The following TCF20 variants were observed in gnomAD, a reference collection of about 807,000 sequenced individuals.
TCF20 encodes the protein transcription factor 20.
A neutral mutation model predicts 148.6 loss-of-function variants in TCF20; 3 were observed. The ratio of observed to expected loss-of-function variants is 0.02; its 90% CI spans 0.01 to 0.05. TCF20 has a LOEUF of 0.05. Ranked by LOEUF, TCF20 falls within the 10% of genes least tolerant of loss-of-function variation. The pLI, the probability that TCF20 is intolerant of heterozygous loss-of-function variation, is 1.00. For synonymous variants in TCF20, 1,049 were observed against 909.5 expected (o/e 1.15, Z -2.76); for missense variants, 2,350 against 2,429.3 (o/e 0.97, Z 0.69).
At chr22:42,176,241 T>C (rs73429692) in intron 3 of TCF20, among the ~76,000 whole-genome samples, 4,474 of 152,328 alleles carry the variant, frequency 0.029, 228 homozygotes, top group African/African-American at 0.1. Flanking sequence ...TCTCTTGTTC[T>C]TTTTAACTGT....
intron 1 of TCF20, among the ~76,000 whole-genome samples, chr22:42,304,866 G>A (rs766307412): frequency 2.0e-5 from 3 of 152,194 alleles, no homozygotes; most frequent in Admixed American, 2.0e-4. Context: ...AAGGTCGGGC[G>A]CTGGGGCCTG....
At chr22:42,232,416 C>G (rs556363957) in intron 1 of TCF20, among the ~76,000 whole-genome samples, 1 of 151,884 alleles carries the variant, frequency 6.6e-6, no homozygotes, top group Non-Finnish European at 1.5e-5. Flanking sequence ...AAAAAAACAA[C>G]GTACCACCAG....
rs755941272 is a variant in TCF20 at position 42,210,907 on chromosome 22, T to C, written c.4399A>G (p.Thr1467Ala). Residue 1467 changes from threonine (T) to alanine (A), a missense_variant, in exon 2 of 6, where the codon ACA becomes GCA. Thr to Ala is a moderately conservative substitution (Grantham distance 58, BLOSUM62 0). Coordinates refer to ENST00000677622, the MANE Select transcript of TCF20 (RefSeq NM_001378418.1). This position sits in a 1 kb window ranked among gnomAD's most constrained non-coding sequence, Gnocchi z 4.7. ...GKEPPGAMTS[T>A]TSQKPGSNQG... is the part of the protein sequence containing the mutation. ...TTACTACCAGGCTTCTGTGAGGTTG[T>C]GGATGTCATGGCACCAGGGGGTTCC... is the stretch of plus-strand genomic sequence containing the variant. 5.0e-6 allele frequency: 8 copies of C among 1,614,184 alleles called. No homozygotes were observed. Among genetic ancestry groups the C allele is most frequent in the Non-Finnish European group, 6.8e-6 (8 of 1,180,036 alleles).
chr22:42,191,133 A>G (rs1388782632), intron 2 of TCF20, among the ~76,000 whole-genome samples: 1 of 152,192 alleles, frequency 6.6e-6, no homozygotes, highest in Non-Finnish European at 1.5e-5. Context: ...ATTACTCAAG[A>G]AGGCCTGGTT....
At chr22:42,276,290 T>C (rs1242348227) in intron 1 of TCF20, 1 of 152,256 alleles carries the variant, frequency 6.6e-6, no homozygotes, top group Non-Finnish European at 1.5e-5. Flanking sequence ...TTCCCTGTGC[T>C]TGGGGATCCA....
At chr22:42,181,598 C>CT (rs34232368) in intron 2 of TCF20, among the ~76,000 whole-genome samples, 5,205 of 136,494 alleles carry the variant, frequency 0.038, 295 homozygotes, top group African/African-American at 0.12. Flanking sequence ...TCCCCCCAAC[C>CT]TTTTTTTTTT....
intron 1 of TCF20, among the ~76,000 whole-genome samples, chr22:42,315,286 C>T (rs1927608725): frequency 6.6e-6 from 1 of 152,044 alleles, no homozygotes; most frequent in Admixed American, 6.6e-5. Flanking sequence ...GCTCACACAC[C>T]ATGCTGGGGG....
intron 1 of TCF20, among the ~76,000 whole-genome samples, chr22:42,333,854 G>A (rs779040871): frequency 6.6e-6 from 1 of 152,196 alleles, no homozygotes; most frequent in East Asian, 1.9e-4. Context: ...GAGGAGCACC[G>A]GCCCACCACG....
intron 1 of TCF20, among the ~76,000 whole-genome samples, chr22:42,242,608 C>G (rs1924542035): frequency 6.6e-6 from 1 of 151,808 alleles, no homozygotes; most frequent in African/African-American, 2.4e-5. Context: ...TCTACCCGGC[C>G]AGGCGAGGTG....
Position 42,213,515 on chromosome 22 carries a change from T to C in TCF20, c.1791A>G (p.Pro597=). 1 of 1,614,212 alleles carries C rather than the reference T, an allele frequency of 6.2e-7. No individual in the cohort carries two copies. The highest frequency in any genetic ancestry group is 8.5e-7 in the Non-Finnish European group (1 of 1,180,022). Reference sequence around the variant, plus strand: ...CCCCAACAGTCTTCTCATTAACCTTTGGGTTCCCGTCGGATGACAATGGCA... The same window carrying C: ...CCCCAACAGTCTTCTCATTAACCTTCGGGTTCCCGTCGGATGACAATGGCA... The part of the protein sequence containing the change: ...KDMPLSSDGN[P]KVNEKTVGVI... Residue 597 remains proline, a synonymous_variant, in exon 2 of 6, where the codon CCA becomes CCG. Transcript: ENST00000677622.
chr22:42,323,686 G>A (rs892259634), intron 1 of TCF20, among the ~76,000 whole-genome samples: 1 of 151,912 alleles, frequency 6.6e-6, no homozygotes, highest in Admixed American at 6.6e-5. Context: ...ATGGATAGCT[G>A]AATGCACCCA....
intron 1 of TCF20, among the ~76,000 whole-genome samples, chr22:42,295,334 C>A (rs924020901): frequency 6.6e-6 from 1 of 152,206 alleles, no homozygotes; most frequent in Non-Finnish European, 1.5e-5. Flanking sequence ...CACTCCCCAC[C>A]GCTGGGCTGC....
At chr22:42,340,877 A>T (rs898239148) in intron 1 of TCF20, among the ~76,000 whole-genome samples, 4 of 147,446 alleles carry the variant, frequency 2.7e-5, no homozygotes, top group African/African-American at 1.0e-4. Flanking sequence ...AAAGGAGAGG[A>T]GGGAAGCCCC....
chr22:42,282,523 G>A (rs530484721), intron 1 of TCF20, among the ~76,000 whole-genome samples: 5 of 152,356 alleles, frequency 3.3e-5, no homozygotes, highest in South Asian at 2.1e-4. Context: ...CCGGGGGAGC[G>A]CCCAGCCCTG....
rs115992573 is a variant in TCF20, at chr22:42,299,656, C to A, written c.-37+43823G>T. Among the ~76,000 whole-genome samples the A allele has an allele frequency of 6.7e-3, 1,020 of 152,290 alleles. 15 individuals carry two copies. The highest frequency in any genetic ancestry group is 0.023 in the African/African-American group (968 of 41,550). On this transcript the variant is annotated intron_variant, in intron 1 of 1. Coordinates refer to the TCF20 transcript ENST00000515426. This position sits in a 1 kb window ranked among gnomAD's most constrained non-coding sequence, Gnocchi z 4.1. ...GTACCTCTCCCCGAACGCAGGCCCC[C>A]CTGCCCGCACCCCAACACTTCAAGA...
chr22:42,183,745 C>T (rs1181785877), intron 2 of TCF20, among the ~76,000 whole-genome samples: 1 of 151,374 alleles, frequency 6.6e-6, no homozygotes, highest in Non-Finnish European at 1.5e-5. Flanking sequence ...TCCCAAGACT[C>T]TCAAGTGATT....
At chr22:42,261,881 G>C (rs1601675563) in intron 1 of TCF20, among the ~76,000 whole-genome samples, 1 of 152,092 alleles carries the variant, frequency 6.6e-6, no homozygotes, top group Non-Finnish European at 1.5e-5. Flanking sequence ...ATCCCAGCTA[G>C]TCGGGAGGCT....
rs755661737 is a variant in TCF20 at position 42,210,510 on chromosome 22, T to C, written c.4796A>G (p.Lys1599Arg). 6.2e-7 allele frequency: 1 copy of C among 1,614,204 alleles called. No individual in the cohort carries two copies. ...GGGTTCCACAATGGGAACTGCTTGT[T>C]TGGTTTTTCGCTTCCTCGGCTGGGC... ...PGAQPRKRKT[K>R]QAVPIVEPQE... The change falls in exon 2 of 6, where the codon AAA becomes AGA. Residue 1599 changes from lysine to arginine, a missense_variant. Coordinates refer to ENST00000677622, the MANE Select transcript of TCF20 (RefSeq NM_001378418.1). This position sits in a 1 kb window ranked among gnomAD's most constrained non-coding sequence, Gnocchi z 4.7.
intron 1 of TCF20, among the ~76,000 whole-genome samples, chr22:42,216,228 T>C (rs1569156542): frequency 1.3e-5 from 2 of 151,888 alleles, no homozygotes; most frequent in Non-Finnish European, 2.9e-5. Flanking sequence ...GTTTTGGGAC[T>C]ACAGGCATAA....
Sources: allele counts gnomAD v4.1 joint callset (sites outside exome capture counted in the v4.1 genomes callset), GRCh38; gene constraint gnomAD v4.1.1; non-coding constraint Gnocchi (gnomAD v3.1); transcripts MANE v1.5; gene names NCBI Gene and HGNC (gene_info 2026-07-23, HGNC 2026-07-21).